Variants in C14orf132 observed in about 807,000 individuals in gnomAD.
C14orf132 encodes uncharacterized protein C14orf132.
Under a neutral mutation model 5.8 loss-of-function variants are expected in C14orf132, and 6 were observed. The ratio of observed to expected loss-of-function variants is 1.03; its 90% CI spans 0.57 to 2.04. C14orf132 has a LOEUF of 2.04. Ranked by LOEUF, C14orf132 falls within the 30% of genes most tolerant of loss-of-function variation. The pLI, the probability that C14orf132 is intolerant of heterozygous loss-of-function variation, is 0.00. For missense variants in C14orf132, 125 were observed against 115.8 expected, an observed-to-expected ratio of 1.08 and a Z score of -0.37; for synonymous variants, 51 against 49.8, an observed-to-expected ratio of 1.02 and a Z score of -0.10.
chr14:96,058,289 T>G (rs1348607049), intron 1 of C14orf132, among the ~76,000 whole-genome samples: 1 of 152,178 alleles, frequency 6.6e-6, no homozygotes, highest in Non-Finnish European at 1.5e-5. Context: ...AGTAACTGCC[T>G]TCTGTGACCT....
rs930097659 is a variant in C14orf132, at chr14:96,093,930, A to G, written c.*7195A>G. 1 of 152,208 alleles carries G rather than the reference A, an allele frequency of 6.6e-6. No individual in the cohort carries two copies. Among genetic ancestry groups the G allele is most frequent in the Admixed American group, 6.5e-5 (1 of 15,276 alleles). 9.4% of individuals were successfully genotyped at this position (152,208 alleles called of 1,614,324 possible). On this transcript the variant is annotated 3_prime_UTR_variant, in exon 2 of 2. Transcript: ENST00000555004. ...TTCTCATCTGTGCTTTATGCAAAGG[A>G]GATGATCTACTCAGCTTTAAATGGC...
In C14orf132 at chr14:96,063,910, A is replaced by G. The variant is rs188327839; in HGVS notation, c.28-22601A>G. On this transcript the variant is annotated intron_variant, in intron 1 of 1. Coordinates refer to ENST00000555004, the MANE Select transcript of C14orf132 (RefSeq NM_001252507.3). ...AAACAATCCCATCAAAAAGTGAGCT[A>G]AGGACATGAATAGACAATTTTCAAA... Among the ~76,000 whole-genome samples, 3 of 152,304 alleles carry G rather than the reference A, an allele frequency of 2.0e-5. No homozygotes were observed. The East Asian group carries it at 5.8e-4, about 29-fold the overall frequency.
intron 1 of C14orf132, among the ~76,000 whole-genome samples, chr14:96,050,027 A>G (rs1241087841): frequency 6.6e-6 from 1 of 152,176 alleles, no homozygotes; most frequent in East Asian, 1.9e-4. Flanking sequence ...GAATACAGTT[A>G]TAACAACTGT....
intron 1 of C14orf132, 44 bp from the exon 2 acceptor site, chr14:96,086,467 A>T: frequency 6.6e-7 from 1 of 1,521,430 alleles, no homozygotes; most frequent in Non-Finnish European, 8.8e-7. Context: ...ACATCTGCCC[A>T]AGCCCCCATG....
chr14:96,053,853 C>A (rs1231724020), intron 1 of C14orf132, among the ~76,000 whole-genome samples: 1 of 152,188 alleles, frequency 6.6e-6, no homozygotes, highest in Non-Finnish European at 1.5e-5. Context: ...GGGGAGGGAG[C>A]ACTCCAGGGA....
intron 1 of C14orf132, among the ~76,000 whole-genome samples, chr14:96,060,325 G>A (rs1040782054): frequency 2.0e-5 from 3 of 152,180 alleles, no homozygotes; most frequent in Non-Finnish European, 4.4e-5. Context: ...CACACTGGCT[G>A]TGTGATCTTT....
chr14:96,041,813 G>A (rs916034750), intron 1 of C14orf132, among the ~76,000 whole-genome samples: 1 of 152,238 alleles, frequency 6.6e-6, no homozygotes, highest in Non-Finnish European at 1.5e-5. Context: ...CTCCGTATCA[G>A]GCACTGGGAC....
chr14:96,068,953 C>T (rs34476570), intron 1 of C14orf132, among the ~76,000 whole-genome samples: 8,207 of 151,884 alleles, frequency 0.054, 221 homozygotes, highest in African/African-American at 0.067. Context: ...AAGGAATTCT[C>T]CACTTTTATC....
chr14:96,040,597 A>G (rs1033052421), intron 1 of C14orf132, among the ~76,000 whole-genome samples: 1 of 152,200 alleles, frequency 6.6e-6, no homozygotes, highest in Non-Finnish European at 1.5e-5. Context: ...AAGTGACAGC[A>G]AAATCCAGAC....
intron 1 of C14orf132, among the ~76,000 whole-genome samples, chr14:96,067,565 G>C (rs978101393): frequency 3.9e-5 from 6 of 151,980 alleles, no homozygotes; most frequent in Admixed American, 2.0e-4. Flanking sequence ...TGGGCGTGGT[G>C]GTGGGCACCT....
At position 96,090,431 on chromosome 14, in the gene C14orf132, T is replaced by G; in HGVS notation, c.*3696T>G. ...GAAAAGAAAAAAAAAAAGAGCAACT[T>G]ACTGCTTTGTGAGGTTGTGAGTGGC... On this transcript the variant is annotated 3_prime_UTR_variant, in exon 2 of 2. Transcript: ENST00000555004. 3.4e-6 allele frequency: 1 copy of G among 290,604 alleles called. No homozygotes were observed. The allele number at this position is 290,604 out of a possible 1,614,324, so 18.0% of individuals were successfully genotyped here. A position where few individuals can be genotyped will look rare whatever the true frequency, so the allele number is the denominator to read the frequency against.
chr14:96,043,097 G>A (rs1179141939), intron 1 of C14orf132, among the ~76,000 whole-genome samples: 1 of 152,162 alleles, frequency 6.6e-6, no homozygotes, highest in Non-Finnish European at 1.5e-5. Flanking sequence ...TTCAAGAGCT[G>A]GAATCTGATT....
At chr14:96,081,705 C>A (rs563416432) in intron 1 of C14orf132, among the ~76,000 whole-genome samples, 2 of 152,214 alleles carry the variant, frequency 1.3e-5, no homozygotes, top group East Asian at 3.9e-4. Context: ...CTCAGGCGAT[C>A]CTCCCACATC....
chr14:96,074,003 C>A (rs1887787800), intron 1 of C14orf132, among the ~76,000 whole-genome samples: 1 of 152,124 alleles, frequency 6.6e-6, no homozygotes, highest in South Asian at 2.1e-4. Flanking sequence ...CACGTGGACA[C>A]ATGGGGGACA....
chr14:96,052,899 G>A (rs61982729), intron 1 of C14orf132, among the ~76,000 whole-genome samples: 13,203 of 152,244 alleles, frequency 0.087, 797 homozygotes, highest in Non-Finnish European at 0.13. Flanking sequence ...AGGGTAAGAC[G>A]CCGGCTCAAG....
At chr14:96,086,098 GT>G (rs1888175558) in intron 1 of C14orf132, among the ~76,000 whole-genome samples, 1 of 151,934 alleles carries the variant, frequency 6.6e-6, no homozygotes, top group Non-Finnish European at 1.5e-5. Flanking sequence ...TTTTTATCCT[GT>G]TTTATATTTT....
intron 1 of C14orf132, among the ~76,000 whole-genome samples, chr14:96,046,886 TTA>T (rs1387901879): frequency 6.6e-6 from 1 of 152,226 alleles, no homozygotes; most frequent in African/African-American, 2.4e-5. Context: ...GGTGATTTTG[TTA>T]TCTCTTGAAA....
chr14:96,077,580 C>T lies in C14orf132; in HGVS notation c.28-8931C>T, dbSNP rs148393157. On this transcript the variant is annotated intron_variant, in intron 1 of 1. Coordinates refer to ENST00000555004, the MANE Select transcript of C14orf132 (RefSeq NM_001252507.3). ...CGAGAGAGGCCTCAGAAGAAAACAG[C>T]CTTACCGACACCTTGATCTTGGACG... Among the ~76,000 whole-genome samples, 30 of 152,268 alleles carry T rather than the reference C, an allele frequency of 2.0e-4. 1 individual carries two copies. In the East Asian group the frequency reaches 3.7e-3, roughly 19 times the overall value.
At chr14:96,053,094 T>C (rs890325372) in intron 1 of C14orf132, among the ~76,000 whole-genome samples, 4 of 152,192 alleles carry the variant, frequency 2.6e-5, no homozygotes, top group Admixed American at 1.3e-4. Context: ...CCAACTGGGA[T>C]GGCTGGTCAC....
Sources: allele counts gnomAD v4.1 joint callset (sites outside exome capture counted in the v4.1 genomes callset), GRCh38; gene constraint gnomAD v4.1.1; transcripts MANE v1.5; gene names NCBI Gene and HGNC (gene_info 2026-07-23, HGNC 2026-07-21).